GTF3C5: variants seen among roughly 807,000 people sequenced by gnomAD.
The protein encoded by GTF3C5 is general transcription factor 3C polypeptide 5.
GTF3C5 carries 47 observed loss-of-function variants against 61.0 expected under a neutral mutation model. The observed-to-expected ratio is 0.77, with a 90% CI of 0.61 to 0.98. The LOEUF (loss-of-function observed/expected upper bound fraction) is 0.98. GTF3C5 is among the 50% of genes least tolerant of loss of function. The pLI is 0.00. For missense variants in GTF3C5, 659 were observed against 703.3 expected, an observed-to-expected ratio of 0.94 and a Z score of 0.71; for synonymous variants, 295 against 275.4, an observed-to-expected ratio of 1.07 and a Z score of -0.71.
At chr9:133,039,172 A>G (rs1849964524) in intron 1 of GTF3C5, among the ~76,000 whole-genome samples, 1 of 152,204 alleles carries the variant, frequency 6.6e-6, no homozygotes, top group Admixed American at 6.5e-5. Flanking sequence ...TCTTTAGAGA[A>G]GTTTTCCCTG....
chr9:133,038,299 T>G (rs746296334), intron 1 of GTF3C5, among the ~76,000 whole-genome samples: 18 of 149,688 alleles, frequency 1.2e-4, no homozygotes, highest in Non-Finnish European at 2.5e-4. Context: ...AAGGGGAGAG[T>G]CTACCCGGGC....
At chr9:133,032,763 C>T (rs1849765742) in intron 1 of GTF3C5, among the ~76,000 whole-genome samples, 1 of 152,164 alleles carries the variant, frequency 6.6e-6, no homozygotes, top group African/African-American at 2.4e-5. Context: ...TGGCAAGGGA[C>T]ATAAGGATCG....
At position 133,042,136 on chromosome 9, in the gene GTF3C5, A is replaced by T; in HGVS notation, c.203A>T (p.Asp68Val). The change falls in exon 2 of 11, where the codon GAC becomes GTC. Residue 68 changes from aspartate to valine, a missense_variant. Physicochemically the swap from Asp to Val is radical, Grantham distance 152. Coordinates refer to ENST00000372097, the MANE Select transcript of GTF3C5 (RefSeq NM_012087.4). Reference sequence around the variant, plus strand: ...CTGGAGCTGTACTTCCGGCCCAAGGACCCATACTGCCACCCAGTGTGCGCC... The same window carrying T: ...CTGGAGCTGTACTTCCGGCCCAAGGTCCCATACTGCCACCCAGTGTGCGCC... ...KRLELYFRPK[D>V]PYCHPVCANR... The T allele has an allele frequency of 1.2e-6, 2 of 1,613,790 alleles. No individual in the cohort carries two copies. The highest frequency in any genetic ancestry group is 1.7e-6 in the Non-Finnish European group (2 of 1,179,924).
chr9:133,033,286 G>C (rs1025143199), intron 1 of GTF3C5, among the ~76,000 whole-genome samples: 1 of 152,118 alleles, frequency 6.6e-6, no homozygotes, highest in Non-Finnish European at 1.5e-5. Flanking sequence ...ACGGTGTCTT[G>C]TTTTTACTTC....
chr9:133,057,405 C>T (rs1316842396), intron 10 of GTF3C5, among the ~76,000 whole-genome samples: 3 of 152,216 alleles, frequency 2.0e-5, no homozygotes, highest in South Asian at 2.1e-4. Context: ...GGCCCCCTCT[C>T]TCAGGGAACT....
In GTF3C5 at chr9:133,058,042, C is replaced by A. The variant is rs1263176575; in HGVS notation, c.*62C>A. 3 of 1,597,216 alleles carry A rather than the reference C, an allele frequency of 1.9e-6. No homozygotes were observed. Among genetic ancestry groups the A allele is most frequent in the African/African-American group, 2.7e-5 (2 of 73,844 alleles). ...CTGGTGTCTGGCCTAATGAGGGAGCCGGGGCTCCCCATTGCCACCCACAGT... is the reference window on the plus strand; with the variant it reads ...CTGGTGTCTGGCCTAATGAGGGAGCAGGGGCTCCCCATTGCCACCCACAGT... On this transcript the variant is annotated 3_prime_UTR_variant, in exon 11 of 11. Coordinates refer to ENST00000372097, the MANE Select transcript of GTF3C5 (RefSeq NM_012087.4).
At chr9:133,049,226 A>G (rs1485203282) in intron 3 of GTF3C5, among the ~76,000 whole-genome samples, 1 of 152,212 alleles carries the variant, frequency 6.6e-6, no homozygotes, top group African/African-American at 2.4e-5. Context: ...GGATGCAGCC[A>G]AGGCTGCCGC....
In GTF3C5 at chr9:133,051,105, A is replaced by G. The variant is rs766609803; in HGVS notation, c.768+127A>G. Reference sequence around the variant, plus strand: ...CTGACCTTTACCCATTCCTTAGTGCATGGGAACTTCTCACCTTCAGATGCC... The same window carrying G: ...CTGACCTTTACCCATTCCTTAGTGCGTGGGAACTTCTCACCTTCAGATGCC... On this transcript the variant is annotated intron_variant, in intron 4 of 10. Transcript: ENST00000372097. 26 of 632,666 alleles carry G rather than the reference A, an allele frequency of 4.1e-5. No individual in the cohort carries two copies. In the East Asian group the frequency reaches 8.0e-4, roughly 19 times the overall value. 39.2% of individuals were successfully genotyped at this position (632,666 alleles called of 1,614,324 possible).
At chr9:133,049,093 T>C (rs1850295482) in intron 3 of GTF3C5, among the ~76,000 whole-genome samples, 1 of 152,192 alleles carries the variant, frequency 6.6e-6, no homozygotes, top group African/African-American at 2.4e-5. Flanking sequence ...CCTCAGGGAC[T>C]CTCCAAGGTG....
At chr9:133,050,397 T>C (rs1276221122) in intron 3 of GTF3C5, among the ~76,000 whole-genome samples, 1 of 152,282 alleles carries the variant, frequency 6.6e-6, no homozygotes, top group African/African-American at 2.4e-5. Flanking sequence ...CATTGCCAGC[T>C]GCTGGACATT....
At chr9:133,048,713 C>A (rs927131149) in intron 3 of GTF3C5, among the ~76,000 whole-genome samples, 4 of 152,206 alleles carry the variant, frequency 2.6e-5, no homozygotes, top group African/African-American at 9.6e-5. Flanking sequence ...GCCCCTGGCA[C>A]TAGATGGCAG....
Position 133,050,675 on chromosome 9 carries a change from C to T in GTF3C5, c.573-108C>T, listed in dbSNP as rs558177465. 5.0e-4 allele frequency: 368 copies of T among 742,492 alleles called. 2 individuals carry two copies. In the African/African-American group the frequency reaches 5.4e-3, roughly 11 times the overall value. 46.0% of individuals were successfully genotyped at this position (742,492 alleles called of 1,614,324 possible). On this transcript the variant is annotated intron_variant, in intron 3 of 10. Transcript: ENST00000372097. ...GCACAGATGTCCAGAGAGAGGCACA[C>T]GGTGGCTGTGGGCCTTGGGGGGTTC...
rs532771587 is a variant in GTF3C5 at position 133,052,007 on chromosome 9, G to A, written c.769-53G>A. On this transcript the variant is annotated intron_variant, in intron 4 of 10. Transcript: ENST00000372097. ...CAGAACATGTTGGGAGTTCAGGGCC[G>A]AAGGGTGGAAGCTGCTGGTGCTCAT... The A allele has an allele frequency of 6.0e-5, 58 of 961,516 alleles. No individual in the cohort carries two copies. The East Asian group carries it at 6.4e-4, about 11-fold the overall frequency. The allele number at this position is 961,516 out of a possible 1,614,324, so 59.6% of individuals were successfully genotyped here. A position where few individuals can be genotyped will look rare whatever the true frequency, so the allele number is the denominator to read the frequency against.
At chr9:133,053,716 A>G in intron 5 of GTF3C5, 112 bp from the exon 6 acceptor site, 1 of 623,894 alleles carries the variant, frequency 1.6e-6, no homozygotes, top group Non-Finnish European at 2.8e-6. Context: ...CTGGGCATCC[A>G]GAGCCCTGTC....
intron 1 of GTF3C5, among the ~76,000 whole-genome samples, chr9:133,038,663 G>A (rs1255084427): frequency 1.3e-5 from 2 of 151,360 alleles, no homozygotes; most frequent in East Asian, 3.9e-4. Context: ...CACCATGTTG[G>A]CCAGGCTGGT....
rs564604197 is a variant in GTF3C5, at chr9:133,046,670, C to T, written c.572+2744C>T. Among the ~76,000 whole-genome samples the T allele has an allele frequency of 1.2e-4, 19 of 152,254 alleles. No homozygotes were observed. In the South Asian group the frequency reaches 3.3e-3, roughly 27 times the overall value. On this transcript the variant is annotated intron_variant, in intron 3 of 10. Coordinates refer to ENST00000372097, the MANE Select transcript of GTF3C5 (RefSeq NM_012087.4). ...TGCAGTGCAGGGGCGGGGAGCTAGA[C>T]GGAGCATGAGTACATGGCTGGGAGC...
chr9:133,045,362 A>G (rs1176503908), intron 3 of GTF3C5, among the ~76,000 whole-genome samples: 1 of 152,196 alleles, frequency 6.6e-6, no homozygotes, highest in Non-Finnish European at 1.5e-5. Context: ...CCCACTCTGC[A>G]GGCTTTGCTC....
chr9:133,058,136 G>T lies in GTF3C5; in HGVS notation c.*156G>T. On this transcript the variant is annotated 3_prime_UTR_variant, in exon 11 of 11. Transcript: ENST00000372097. ...CCAGCAAAGGGTGCAGCTGACCCTAGCACTGGCTGTGACATGCTGCTTGGT... is the reference window on the plus strand; with the variant it reads ...CCAGCAAAGGGTGCAGCTGACCCTATCACTGGCTGTGACATGCTGCTTGGT... 1 of 1,468,958 alleles carries T rather than the reference G, an allele frequency of 6.8e-7. No individual in the cohort carries two copies. Among genetic ancestry groups the T allele is most frequent in the East Asian group, 2.5e-5 (1 of 40,736 alleles). The allele number at this position is 1,468,958 out of a possible 1,614,324, so 91.0% of individuals were successfully genotyped here. A position where few individuals can be genotyped will look rare whatever the true frequency, so the allele number is the denominator to read the frequency against.
intron 1 of GTF3C5, among the ~76,000 whole-genome samples, chr9:133,038,000 C>T (rs901929093): frequency 3.9e-5 from 6 of 152,092 alleles, no homozygotes; most frequent in African/African-American, 9.7e-5. Flanking sequence ...GGAGTTGGAC[C>T]GCACAATCTA....
Sources: gnomAD v4.1 joint callset for allele counts (sites outside exome capture counted in the v4.1 genomes callset) on GRCh38, gnomAD v4.1.1 for gene constraint, MANE v1.5 for transcripts, NCBI Gene and HGNC (gene_info 2026-07-23, HGNC 2026-07-21) for gene names.